The following USP13 variants were observed in gnomAD, a reference collection of about 807,000 sequenced individuals.
USP13 encodes the protein ubiquitin carboxyl-terminal hydrolase 13.
A neutral mutation model predicts 107.8 loss-of-function variants in USP13; 68 were observed. The ratio of observed to expected loss-of-function variants is 0.63; its 90% confidence interval spans 0.52 to 0.77. USP13 has a LOEUF of 0.77. Ranked by LOEUF, USP13 falls within the 30% of genes least tolerant of loss-of-function variation. The pLI is 0.00. For missense variants in USP13, 945 were observed against 1,093.3 expected (o/e 0.86, Z 1.91); for synonymous variants, 377 against 389.5 (o/e 0.97, Z 0.38).
rs1298398710 is a variant in USP13, at chr3:179,727,804, C to G, written c.1089-2385C>G. Among the ~76,000 whole-genome samples, 3 of 111,940 alleles carry G rather than the reference C, an allele frequency of 2.7e-5. 1 individual carries two copies. Among genetic ancestry groups the G allele is most frequent in the Non-Finnish European group, 4.0e-5 (2 of 50,376 alleles). 73.4% of individuals were successfully genotyped at this position (111,940 alleles called of 152,430 possible). A position where few individuals can be genotyped will look rare whatever the true frequency, so the allele number is the denominator to read the frequency against. ...CTGGCTGGGCAGGGGGCTGACCCCC[C>G]CCCCACCTCCCTCCCGGACGGGGCG... On this transcript the variant is annotated intron_variant, in intron 8 of 20. Coordinates refer to ENST00000263966, the MANE Select transcript of USP13 (RefSeq NM_003940.3).
chr3:179,770,206 T>A (rs1438008772), intron 19 of USP13, among the ~76,000 whole-genome samples: 1 of 152,226 alleles, frequency 6.6e-6, no homozygotes, highest in Non-Finnish European at 1.5e-5. Flanking sequence ...GTACTGTAGA[T>A]TAGTTTGGGA....
chr3:179,708,900 A>G lies in USP13; in HGVS notation c.748A>G (p.Arg250Gly). Residue 250 changes from arginine (R) to glycine (G), a missense_variant, in exon 6 of 21, where the codon AGA becomes GGA. Coordinates refer to ENST00000263966, the MANE Select transcript of USP13 (RefSeq NM_003940.3). ...GGNGHALEHY[R>G]DMGYPLAVKL... ...CAACGGGCATGCGCTGGAGCATTAC[A>G]GAGACATGGGCTACCCACTAGCCGT... The G allele has an allele frequency of 6.2e-7, 1 of 1,614,152 alleles. No homozygotes were observed. Among genetic ancestry groups the G allele is most frequent in the Non-Finnish European group, 8.5e-7 (1 of 1,180,032 alleles).
At chr3:179,722,961 T>C (rs561022770) in intron 8 of USP13, among the ~76,000 whole-genome samples, 1 of 152,320 alleles carries the variant, frequency 6.6e-6, no homozygotes, top group African/African-American at 2.4e-5. Context: ...TTGGGTGTAC[T>C]GAGGACAGGG....
At chr3:179,774,882 C>T (rs906281388) in intron 19 of USP13, among the ~76,000 whole-genome samples, 1 of 152,212 alleles carries the variant, frequency 6.6e-6, no homozygotes, top group Non-Finnish European at 1.5e-5. Flanking sequence ...AATCCCTGAG[C>T]TAGACACAGA....
At chr3:179,720,748 AT>A (rs1713281265) in intron 7 of USP13, among the ~76,000 whole-genome samples, 1 of 145,870 alleles carries the variant, frequency 6.9e-6, no homozygotes, top group African/African-American at 2.5e-5. Context: ...TTCTTTTTTG[AT>A]TCCTATTTGT....
chr3:179,728,204 C>T (rs1449227705), intron 8 of USP13, among the ~76,000 whole-genome samples: 1 of 145,832 alleles, frequency 6.9e-6, no homozygotes, highest in Non-Finnish European at 1.5e-5. Flanking sequence ...GGGGGGCTGA[C>T]CCCCCCACCT....
At chr3:179,669,446 A>T (rs1348252833) in intron 1 of USP13, among the ~76,000 whole-genome samples, 1 of 151,968 alleles carries the variant, frequency 6.6e-6, no homozygotes, top group African/African-American at 2.4e-5. Context: ...GCAAAAGAGC[A>T]AGACTCCGTC....
At chr3:179,658,072 A>G (rs1490589481) in intron 1 of USP13, among the ~76,000 whole-genome samples, 2 of 151,992 alleles carry the variant, frequency 1.3e-5, no homozygotes, top group Non-Finnish European at 2.9e-5. Context: ...TTTCTTTCTC[A>G]GCCTCCTGAG....
At chr3:179,762,537 C>T (rs1320497305) in intron 17 of USP13, among the ~76,000 whole-genome samples, 1 of 152,080 alleles carries the variant, frequency 6.6e-6, no homozygotes, top group East Asian at 1.9e-4. Context: ...GCTGAGATCA[C>T]GCCACTGCCC....
At chr3:179,730,922 T>C (rs942556501) in intron 10 of USP13, among the ~76,000 whole-genome samples, 7 of 152,208 alleles carry the variant, frequency 4.6e-5, no homozygotes, top group African/African-American at 1.7e-4. Flanking sequence ...GCTTCATGGA[T>C]TATACATGTG....
rs775890371 is a variant in USP13 at position 179,730,279 on chromosome 3, T to G, written c.1160+19T>G. 1.4e-3 allele frequency: 7 copies of G among 4,932 alleles called. No individual in the cohort carries two copies. The African/African-American group carries it at 0.095, about 67-fold the overall frequency. The allele number at this position is 4,932 out of a possible 1,614,324, so 0.3% of individuals were successfully genotyped here. A position where few individuals can be genotyped will look rare whatever the true frequency, so the allele number is the denominator to read the frequency against. The stretch of plus-strand genomic sequence containing the variant: ...CACAGATGTAAGTGCCAGATTTGTA[T>G]TTTTTTTTTTCTAGAAAAAGCATCC... On this transcript the variant is annotated intron_variant, in intron 9 of 20. Coordinates refer to ENST00000263966, the MANE Select transcript of USP13 (RefSeq NM_003940.3).
chr3:179,699,804 C>T (rs889958940), intron 3 of USP13, among the ~76,000 whole-genome samples: 12 of 148,800 alleles, frequency 8.1e-5, no homozygotes, highest in African/African-American at 2.7e-4. Context: ...CTACAAACTG[C>T]CCTACCTTTG....
intron 1 of USP13, among the ~76,000 whole-genome samples, chr3:179,674,801 T>G (rs1438586121): frequency 6.6e-6 from 1 of 152,206 alleles, no homozygotes; most frequent in African/African-American, 2.4e-5. Context: ...TTATGAGGCA[T>G]GTACCTGTGC....
chr3:179,703,429 T>C (rs1712603409), intron 4 of USP13, among the ~76,000 whole-genome samples: 2 of 152,214 alleles, frequency 1.3e-5, no homozygotes, highest in African/African-American at 2.4e-5. Flanking sequence ...AGTGACTCTA[T>C]AGGTTCTACC....
chr3:179,757,138 G>A lies in USP13; in HGVS notation c.1948+60G>A, dbSNP rs376249207. 1.5e-5 allele frequency: 24 copies of A among 1,574,798 alleles called. No homozygotes were observed. In the African/African-American group the frequency reaches 3.2e-4, roughly 21 times the overall value. On this transcript the variant is annotated intron_variant, in intron 16 of 20. Coordinates refer to ENST00000263966, the MANE Select transcript of USP13 (RefSeq NM_003940.3). Reference sequence around the variant, plus strand: ...CTGTTGTTATTAATCTGATGAATTTGTCTGTGAAAGTTCAGTAAAGAGGCA... The same window carrying A: ...CTGTTGTTATTAATCTGATGAATTTATCTGTGAAAGTTCAGTAAAGAGGCA...
chr3:179,693,646 A>T (rs1712185796), intron 3 of USP13, among the ~76,000 whole-genome samples: 1 of 152,096 alleles, frequency 6.6e-6, no homozygotes, highest in African/African-American at 2.4e-5. Context: ...TGTAACGGTA[A>T]ATTTAAAACA....
Position 179,785,129 on chromosome 3 carries a change from T to A in USP13, c.*988T>A, listed in dbSNP as rs952027200. 6.6e-6 allele frequency: 1 copy of A among 152,218 alleles called. No individual in the cohort carries two copies. Among genetic ancestry groups the A allele is most frequent in the African/African-American group, 2.4e-5 (1 of 41,452 alleles). 9.4% of individuals were successfully genotyped at this position (152,218 alleles called of 1,614,324 possible). ...TTAGTAAAAATAGCTAATCTCTTTT[T>A]ACCATCTCACATGATAACTCTTTGG... On this transcript the variant is annotated 3_prime_UTR_variant, in exon 21 of 21. Transcript: ENST00000263966.
In USP13 at chr3:179,699,016, G is replaced by A. The variant is rs532672582; in HGVS notation, c.356-1992G>A. On this transcript the variant is annotated intron_variant, in intron 3 of 20. Coordinates refer to ENST00000263966, the MANE Select transcript of USP13 (RefSeq NM_003940.3). Reference sequence around the variant, plus strand: ...CCTGAGTAGCTGGGATTACAGGTGCGTGCCACCACACCCGGCTAATTTTTG... The same window carrying A: ...CCTGAGTAGCTGGGATTACAGGTGCATGCCACCACACCCGGCTAATTTTTG... Among the ~76,000 whole-genome samples, 125 of 151,804 alleles carry A rather than the reference G, an allele frequency of 8.2e-4. 1 individual carries two copies. Among genetic ancestry groups the A allele is most frequent in the African/African-American group, 2.8e-3 (114 of 41,410 alleles).
At chr3:179,782,527 C>T (rs1397949797) in intron 20 of USP13, among the ~76,000 whole-genome samples, 1 of 152,116 alleles carries the variant, frequency 6.6e-6, no homozygotes, top group Non-Finnish European at 1.5e-5. Flanking sequence ...TACTGGTGCC[C>T]TTCCTGCAAC....
Sources: allele counts gnomAD v4.1 joint callset (sites outside exome capture counted in the v4.1 genomes callset), GRCh38; gene constraint gnomAD v4.1.1; transcripts MANE v1.5; gene names NCBI Gene and HGNC (gene_info 2026-07-23, HGNC 2026-07-21).